Variants in ARHGEF28 observed in about 807,000 individuals in gnomAD.
ARHGEF28 encodes 190 kDa guanine nucleotide exchange factor.
A neutral mutation model predicts 206.6 loss-of-function variants in ARHGEF28; 152 were observed. The observed-to-expected ratio is 0.74, with a 90% CI of 0.64 to 0.84. The LOEUF (loss-of-function observed/expected upper bound fraction) is 0.84, where lower values mean the gene tolerates loss of function less well. ARHGEF28 is among the 40% of genes least tolerant of loss of function. The pLI, the probability that ARHGEF28 is intolerant of heterozygous loss-of-function variation, is 0.00. For missense variants in ARHGEF28, 2,028 were observed against 2,073.2 expected (o/e 0.98, Z 0.42); for synonymous variants, 763 against 776.4 (o/e 0.98, Z 0.29).
At chr5:73,638,730 C>T (rs983265470) in intron 1 of ARHGEF28, among the ~76,000 whole-genome samples, 2 of 152,122 alleles carry the variant, frequency 1.3e-5, no homozygotes, top group African/African-American at 4.8e-5. Context: ...AGTTGAATAC[C>T]ACTGAACTTA....
At chr5:73,922,262 A>T (rs1763561997) in intron 35 of ARHGEF28, among the ~76,000 whole-genome samples, 2 of 152,226 alleles carry the variant, frequency 1.3e-5, no homozygotes, top group Non-Finnish European at 2.9e-5. Context: ...AGAGAAGCCC[A>T]TGGCTTTGTG....
intron 9 of ARHGEF28, among the ~76,000 whole-genome samples, chr5:73,814,506 T>G (rs921459347): frequency 3.3e-5 from 5 of 152,098 alleles, no homozygotes; most frequent in Non-Finnish European, 7.3e-5. Flanking sequence ...TGTTGCCTTC[T>G]GAGGTTTAAA....
intron 35 of ARHGEF28, among the ~76,000 whole-genome samples, chr5:73,922,015 A>T (rs1763546981): frequency 6.6e-6 from 1 of 152,224 alleles, no homozygotes; most frequent in African/African-American, 2.4e-5. Flanking sequence ...CAGGAATTGC[A>T]TGCTCAAAGA....
chr5:73,644,487 C>A (rs1744312906), intron 1 of ARHGEF28, among the ~76,000 whole-genome samples: 1 of 152,158 alleles, frequency 6.6e-6, no homozygotes, highest in Non-Finnish European at 1.5e-5. Flanking sequence ...AAATGCAAAC[C>A]TGAGCATGTC....
intron 34 of ARHGEF28, 61 bp from the exon 35 acceptor site, chr5:73,911,214 C>A: frequency 1.4e-6 from 2 of 1,414,978 alleles, no homozygotes; most frequent in South Asian, 1.4e-5. Context: ...GGAATAAATA[C>A]TTTATGAAAC....
intron 35 of ARHGEF28, among the ~76,000 whole-genome samples, chr5:73,915,316 T>G (rs1329711060): frequency 3.3e-5 from 5 of 152,248 alleles, no homozygotes; most frequent in African/African-American, 1.2e-4. Flanking sequence ...TAAAAATATT[T>G]TGTTTCTCCA....
intron 10 of ARHGEF28, 78 bp downstream of exon 10, chr5:73,832,537 G>T: frequency 6.5e-7 from 1 of 1,528,716 alleles, no homozygotes; most frequent in South Asian, 1.2e-5. Context: ...ATTCAGCATT[G>T]TTGTGTTCCT....
chr5:73,833,989 A>G (rs1215118311), intron 10 of ARHGEF28, among the ~76,000 whole-genome samples: 1 of 152,150 alleles, frequency 6.6e-6, no homozygotes, highest in East Asian at 1.9e-4. Context: ...GCCAAACCAT[A>G]CCACAGGGTA....
intron 4 of ARHGEF28, among the ~76,000 whole-genome samples, chr5:73,754,799 T>C (rs1752211548): frequency 6.6e-6 from 1 of 152,104 alleles, no homozygotes; most frequent in South Asian, 2.1e-4. Flanking sequence ...TGGGCTCATG[T>C]GATCCTACTG....
At chr5:73,712,184 G>T (rs1490366097) in intron 2 of ARHGEF28, among the ~76,000 whole-genome samples, 1 of 151,980 alleles carries the variant, frequency 6.6e-6, no homozygotes, top group Non-Finnish European at 1.5e-5. Flanking sequence ...GATTTAATTT[G>T]CTAATATTTT....
chr5:73,924,871 C>T (rs1230890670), intron 35 of ARHGEF28, among the ~76,000 whole-genome samples: 1 of 152,172 alleles, frequency 6.6e-6, no homozygotes, highest in Non-Finnish European at 1.5e-5. Context: ...TCTTGCAAGA[C>T]TACTTATTCC....
chr5:73,762,955 T>C (rs756763684), intron 4 of ARHGEF28, among the ~76,000 whole-genome samples: 1 of 152,238 alleles, frequency 6.6e-6, no homozygotes, highest in African/African-American at 2.4e-5. Flanking sequence ...CATCATAGAA[T>C]GGCTGTCAGG....
intron 3 of ARHGEF28, 45 bp downstream of exon 3, chr5:73,750,029 A>G: frequency 1.2e-6 from 2 of 1,604,904 alleles, no homozygotes; most frequent in East Asian, 2.2e-5. Context: ...TAGTCTGCAA[A>G]TAACTTCCCT....
chr5:73,936,036 A>G (rs939169737), intron 35 of ARHGEF28, among the ~76,000 whole-genome samples: 1 of 152,206 alleles, frequency 6.6e-6, no homozygotes, highest in Non-Finnish European at 1.5e-5. Flanking sequence ...GAGGAAAGAG[A>G]TACTGGTGCA....
chr5:73,749,543 C>T (rs1751916635), intron 2 of ARHGEF28, among the ~76,000 whole-genome samples: 1 of 152,222 alleles, frequency 6.6e-6, no homozygotes, highest in African/African-American at 2.4e-5. Context: ...AAGTACCACA[C>T]TCCTACATCT....
chr5:73,655,891 G>A (rs768538555), intron 1 of ARHGEF28, among the ~76,000 whole-genome samples: 9 of 152,144 alleles, frequency 5.9e-5, no homozygotes, highest in Non-Finnish European at 1.3e-4. Context: ...GTTTGGGGGC[G>A]GTTTTCTCAC....
intron 5 of ARHGEF28, among the ~76,000 whole-genome samples, chr5:73,776,160 T>C (rs1408540486): frequency 6.6e-6 from 1 of 152,232 alleles, no homozygotes. Flanking sequence ...GCTAATTTGT[T>C]CTACTACAGG....
chr5:73,912,186 C>T (rs1343578840), intron 35 of ARHGEF28, among the ~76,000 whole-genome samples: 1 of 152,142 alleles, frequency 6.6e-6, no homozygotes, highest in Admixed American at 6.5e-5. Flanking sequence ...ACCAGCTCCA[C>T]ATGAATCCGA....
At chr5:73,666,597 G>A (rs1745974321) in intron 1 of ARHGEF28, among the ~76,000 whole-genome samples, 1 of 152,170 alleles carries the variant, frequency 6.6e-6, no homozygotes, top group African/African-American at 2.4e-5. Context: ...TGTGGATGCT[G>A]CCAAGATTTG....
Sources: gnomAD v4.1 joint callset for allele counts (sites outside exome capture counted in the v4.1 genomes callset) on GRCh38, gnomAD v4.1.1 for gene constraint, MANE v1.5 for transcripts, NCBI Gene and HGNC (gene_info 2026-07-23, HGNC 2026-07-21) for gene names.